The following HARS2 variants were observed in gnomAD, a reference collection of about 807,000 sequenced individuals.
HARS2 encodes histidine--tRNA ligase, mitochondrial.
In HARS2, 40 loss-of-function variants were observed where a neutral mutation model predicts 62.4. The observed-to-expected ratio is 0.64, with a 90% CI of 0.50 to 0.83. HARS2 has a LOEUF of 0.83. HARS2 is among the 40% of genes least tolerant of loss of function. The probability of loss-of-function intolerance (pLI) is 0.00; values close to 1 mark genes in which losing one functional copy is unlikely to be tolerated. For synonymous variants in HARS2, 228 were observed against 227.0 expected (o/e 1.00, Z -0.04); for missense variants, 569 against 626.4 (o/e 0.91, Z 0.98).
intron 1 of HARS2, 67 bp from the exon 2 acceptor site, chr5:140,693,524 G>A (rs1759621491): frequency 6.2e-7 from 1 of 1,613,220 alleles, no homozygotes; most frequent in Non-Finnish European, 8.5e-7. Context: ...TGGTCAACAG[G>A]GTCAGAGATG....
At position 140,691,730 on chromosome 5, in the gene HARS2, A is replaced by C. The variant is rs1255726749; in HGVS notation, c.82A>C (p.Thr28Pro). The change falls in exon 1 of 13, where the codon ACC (threonine) becomes CCC (proline). Residue 28 changes from threonine (T) to proline (P), a missense_variant. By Grantham distance (38) the Thr-to-Pro change is conservative (BLOSUM62 -1). Coordinates refer to ENST00000230771, the MANE Select transcript of HARS2 (RefSeq NM_012208.4). ...CCTGCGACCGCCCTGCGCTTCGTGC[A>C]CCGGGGCGGTCCGTTGCCAAAGCCA... ...QLLRPPCASC[T>P]GAVRCQSQVA... 3 of 1,552,140 alleles carry C rather than the reference A, an allele frequency of 1.9e-6. No individual in the cohort carries two copies. The Admixed American group carries it at 5.9e-5, about 30-fold the overall frequency.
intron 11 of HARS2, 31 bp downstream of exon 11, chr5:140,697,716 G>A: frequency 1.3e-6 from 2 of 1,489,348 alleles, no homozygotes; most frequent in South Asian, 2.3e-5. Flanking sequence ...GAGCCATCTG[G>A]GTATGTGTGG....
At chr5:140,691,891 A>G (rs974015132) in intron 1 of HARS2, 135 bp downstream of exon 1, 27 of 677,746 alleles carry the variant, frequency 4.0e-5, no homozygotes, top group Middle Eastern at 4.9e-4. Flanking sequence ...CACTGAACTA[A>G]GCGATTTGGA....
At chr5:140,693,847 G>A (rs1759640352) in intron 2 of HARS2, 88 bp from the exon 3 acceptor site, 1 of 1,478,978 alleles carries the variant, frequency 6.8e-7, no homozygotes, top group Admixed American at 1.7e-5. Flanking sequence ...CCAGACCTGA[G>A]ATTACATAAT....
intron 7 of HARS2, 97 bp downstream of exon 7, chr5:140,696,298 G>T (rs1367238177): frequency 3.0e-6 from 3 of 989,968 alleles, no homozygotes; most frequent in Non-Finnish European, 4.9e-6. Flanking sequence ...GTGGCTGGAA[G>T]TGGGCTATTT....
chr5:140,695,900 T>G (rs747215632), intron 6 of HARS2, 55 bp downstream of exon 6: 1 of 1,336,690 alleles, frequency 7.5e-7, no homozygotes, highest in Admixed American at 1.7e-5. Flanking sequence ...TAATACTGTT[T>G]ATGCAAGTCC....
In HARS2 at chr5:140,691,468, A is replaced by G. The variant is rs890954809; in HGVS notation, c.-181A>G. ...CCTCCCGGAAGTGCCGAAGCTGGCT[A>G]CTAAGGGAACTTGGGAGGATCCCAC... On this transcript the variant is annotated 5_prime_UTR_variant, in exon 1 of 13. Transcript: ENST00000230771. The G allele has an allele frequency of 1.4e-5, 10 of 708,102 alleles. No individual in the cohort carries two copies. Among genetic ancestry groups the G allele is most frequent in the African/African-American group, 3.5e-5 (2 of 56,742 alleles). The allele number at this position is 708,102 out of a possible 1,614,324, so 43.9% of individuals were successfully genotyped here.
rs397884519 is a variant in HARS2, at chr5:140,693,331, C to CA, written c.109-243dup. Reference sequence around the variant, plus strand: ...TGGGCAACAGACCGAGACTCTGTCTCAAAAAAAAAAAAAAAAATCCATATA... The same window carrying CA: ...TGGGCAACAGACCGAGACTCTGTCTCAAAAAAAAAAAAAAAAAATCCATATA... On this transcript the variant is annotated intron_variant, in intron 1 of 12. Coordinates refer to ENST00000230771, the MANE Select transcript of HARS2 (RefSeq NM_012208.4). 0.028 allele frequency: 16,012 copies of CA among 564,180 alleles called. 21 individuals carry two copies. Among genetic ancestry groups the CA allele is most frequent in the African/African-American group, 0.04 (1,665 of 42,064 alleles). 34.9% of individuals were successfully genotyped at this position (564,180 alleles called of 1,614,324 possible). A position where few individuals can be genotyped will look rare whatever the true frequency, so the allele number is the denominator to read the frequency against.
At chr5:140,692,631 G>T (rs1198556925) in intron 1 of HARS2, among the ~76,000 whole-genome samples, 1 of 152,190 alleles carries the variant, frequency 6.6e-6, no homozygotes, top group Non-Finnish European at 1.5e-5. Context: ...AGTGGCTCAT[G>T]CCTGTAATCC....
At position 140,698,806 on chromosome 5, in the gene HARS2, G is replaced by A. The variant is rs1184244700; in HGVS notation, c.*254G>A. The A allele has an allele frequency of 1.3e-5, 7 of 545,996 alleles. No homozygotes were observed. In the Admixed American group the frequency reaches 2.2e-4, roughly 17 times the overall value. 33.8% of individuals were successfully genotyped at this position (545,996 alleles called of 1,614,324 possible). On this transcript the variant is annotated 3_prime_UTR_variant, in exon 13 of 13. Coordinates refer to ENST00000230771, the MANE Select transcript of HARS2 (RefSeq NM_012208.4). ...ATGCTCTAGCTGCAGAGGCAAATTT[G>A]AAGTGCCACGGAACGTTGTCAAGAG...
rs1759865583 is a variant in HARS2 at position 140,698,755 on chromosome 5, TGCAGATG to T, written c.*206_*212del. 16 of 619,196 alleles carry T rather than the reference TGCAGATG, an allele frequency of 2.6e-5. No homozygotes were observed. In the South Asian group the frequency reaches 2.9e-4, roughly 11 times the overall value. The allele number at this position is 619,196 out of a possible 1,614,324, so 38.4% of individuals were successfully genotyped here. ...AGTGTGAGCAGCTATTCTGCATGGG[TGCAGATG>T]GCTGGATGTGAAAGAGACATGCTCT... is the stretch of plus-strand genomic sequence containing the variant. On this transcript the variant is annotated 3_prime_UTR_variant, in exon 13 of 13. Transcript: ENST00000230771.
Position 140,692,888 on chromosome 5 carries a change from T to C in HARS2, c.109-703T>C, listed in dbSNP as rs1442099845. Among the ~76,000 whole-genome samples the C allele has an allele frequency of 2.0e-5, 3 of 149,124 alleles. No individual in the cohort carries two copies. The East Asian group carries it at 5.9e-4, about 30-fold the overall frequency. On this transcript the variant is annotated intron_variant, in intron 1 of 12. Coordinates refer to ENST00000230771, the MANE Select transcript of HARS2 (RefSeq NM_012208.4). ...GCCTGGGCGACAGAGTAAGACTCTA[T>C]CTGAAAAAAAAAAAAAAATTATTTT... is the stretch of plus-strand genomic sequence containing the variant.
At chr5:140,691,863 G>T (rs528294865) in intron 1 of HARS2, 107 bp downstream of exon 1, 1 of 795,598 alleles carries the variant, frequency 1.3e-6, no homozygotes, top group East Asian at 2.7e-5. Flanking sequence ...TTTTTATCGA[G>T]TGCCCACTAT....
At position 140,691,489 on chromosome 5, in the gene HARS2, C is replaced by A. The variant is rs781279092; in HGVS notation, c.-160C>A. On this transcript the variant is annotated 5_prime_UTR_variant, in exon 1 of 13. Coordinates refer to ENST00000230771, the MANE Select transcript of HARS2 (RefSeq NM_012208.4). ...GGCTACTAAGGGAACTTGGGAGGATCCCACCTCAGCCTTCGTGACTAGTGA... is the reference window on the plus strand; with the variant it reads ...GGCTACTAAGGGAACTTGGGAGGATACCACCTCAGCCTTCGTGACTAGTGA... 41 of 716,448 alleles carry A rather than the reference C, an allele frequency of 5.7e-5. No homozygotes were observed. The highest frequency in any genetic ancestry group is 7.6e-4 in the Middle Eastern group (2 of 2,618). The allele number at this position is 716,448 out of a possible 1,614,324, so 44.4% of individuals were successfully genotyped here. A position where few individuals can be genotyped will look rare whatever the true frequency, so the allele number is the denominator to read the frequency against.
chr5:140,695,518 C>T lies in HARS2; in HGVS notation c.410C>T (p.Ala137Val), dbSNP rs1177067024. The change falls in exon 5 of 13, where the codon GCT (alanine) becomes GTT (valine). Residue 137 changes from alanine to valine, a missense_variant. Ala to Val is a moderately conservative substitution (Grantham distance 64, BLOSUM62 0). Transcript: ENST00000230771. ...SLRYDLTVPF[A>V]RYLAMNKVKK... is the part of the protein sequence containing the mutation. Reference sequence around the variant, plus strand: ...ACCCATTTATGTGAGGTTCCCTTTGCTCGTTATCTGGCCATGAATAAGGTG... The same window carrying T: ...ACCCATTTATGTGAGGTTCCCTTTGTTCGTTATCTGGCCATGAATAAGGTG... 1 of 1,614,090 alleles carries T rather than the reference C, an allele frequency of 6.2e-7. No individual in the cohort carries two copies. Among genetic ancestry groups the T allele is most frequent in the Non-Finnish European group, 8.5e-7 (1 of 1,180,010 alleles).
Position 140,691,599 on chromosome 5 carries a change from C to T in HARS2, c.-50C>T, listed in dbSNP as rs1285124359. ...CCCTTCCTGGTGTCTGACCCGCCTC[C>T]TTCCCAGGCCTTTTGTTCCTGTCCC... is the stretch of plus-strand genomic sequence containing the variant. On this transcript the variant is annotated 5_prime_UTR_variant, in exon 1 of 13. Transcript: ENST00000230771. The T allele has an allele frequency of 6.4e-6, 8 of 1,254,002 alleles. No homozygotes were observed. The allele number at this position is 1,254,002 out of a possible 1,614,324, so 77.7% of individuals were successfully genotyped here. A position where few individuals can be genotyped will look rare whatever the true frequency, so the allele number is the denominator to read the frequency against.
chr5:140,695,286 T>G (rs531590079), intron 4 of HARS2, among the ~76,000 whole-genome samples: 14 of 152,314 alleles, frequency 9.2e-5, no homozygotes, highest in Admixed American at 2.6e-4. Flanking sequence ...TTGCCTTGCT[T>G]TCTGCTGAAC....
chr5:140,692,195 A>T (rs1429898924), intron 1 of HARS2: 1 of 194,174 alleles, frequency 5.2e-6, no homozygotes, highest in Admixed American at 5.4e-5. Flanking sequence ...ACATTTTCAG[A>T]TGTCAGAGAG....
intron 6 of HARS2, 117 bp downstream of exon 6, chr5:140,695,962 T>C: frequency 1.0e-6 from 1 of 992,312 alleles, no homozygotes; most frequent in Non-Finnish European, 1.6e-6. Context: ...ACTTTCCTAG[T>C]AAAGCTGTTG....
Sources: allele counts gnomAD v4.1 joint callset (sites outside exome capture counted in the v4.1 genomes callset), GRCh38; gene constraint gnomAD v4.1.1; transcripts MANE v1.5; gene names NCBI Gene and HGNC (gene_info 2026-07-23, HGNC 2026-07-21).